Variants in ATP8A2 observed in about 807,000 individuals in gnomAD.
ATP8A2 encodes phospholipid-transporting ATPase IB.
Under a neutral mutation model 165.6 loss-of-function variants are expected in ATP8A2, and 100 were observed. That is an observed-to-expected ratio of 0.60 (90% CI 0.51 to 0.71). The LOEUF (loss-of-function observed/expected upper bound fraction) is 0.71. ATP8A2 is among the 30% of genes least tolerant of loss of function. The pLI, the probability that ATP8A2 is intolerant of heterozygous loss-of-function variation, is 0.00. For synonymous variants in ATP8A2, 543 were observed against 548.8 expected (o/e 0.99, Z 0.15); for missense variants, 1,227 against 1,479.5 (o/e 0.83, Z 2.80).
chr13:25,837,346 C>G lies in ATP8A2; in HGVS notation c.2877+61C>G, dbSNP rs75532127. On this transcript the variant is annotated intron_variant, in intron 29 of 36. Transcript: ENST00000381655. ...AAAGGCGTGGCTGTTTGATTCTAGT[C>G]ATCTGCCTAGGAGATAGTTGAAGCT... The G allele has an allele frequency of 9.5e-3, 15,069 of 1,585,214 alleles. 110 individuals are homozygous for G. The highest frequency in any genetic ancestry group is 0.014 in the South Asian group (1,219 of 89,468).
At chr13:25,558,718 C>G (rs1377558044) in intron 13 of ATP8A2, among the ~76,000 whole-genome samples, 1 of 152,164 alleles carries the variant, frequency 6.6e-6, no homozygotes, top group Non-Finnish European at 1.5e-5. Flanking sequence ...AGTAGCACAT[C>G]ATTCAGTCAG....
intron 10 of ATP8A2, among the ~76,000 whole-genome samples, chr13:25,546,791 G>A (rs182468173): frequency 2.1e-3 from 324 of 152,236 alleles, no homozygotes; most frequent in South Asian, 0.011. Context: ...TTGCAGCATA[G>A]AGTCTCCTAG....
At chr13:25,487,811 G>GA (rs1271532836) in intron 2 of ATP8A2, among the ~76,000 whole-genome samples, 1 of 151,938 alleles carries the variant, frequency 6.6e-6, no homozygotes, top group Non-Finnish European at 1.5e-5. Context: ...ACATGTAATG[G>GA]AAAAAACATG....
chr13:25,458,640 G>A (rs895916715), intron 1 of ATP8A2, among the ~76,000 whole-genome samples: 5 of 152,244 alleles, frequency 3.3e-5, no homozygotes, highest in African/African-American at 1.2e-4. Context: ...TTTCCAGAAG[G>A]TGGAGTGGAA....
At chr13:25,948,936 C>T (rs1372936758) in intron 33 of ATP8A2, among the ~76,000 whole-genome samples, 1 of 152,332 alleles carries the variant, frequency 6.6e-6, no homozygotes, top group Non-Finnish European at 1.5e-5. Context: ...TGTGCAGCCC[C>T]TCCTGGAAGC....
intron 25 of ATP8A2, among the ~76,000 whole-genome samples, chr13:25,734,829 G>A (rs986742779): frequency 2.6e-5 from 4 of 152,076 alleles, no homozygotes; most frequent in African/African-American, 9.7e-5. Context: ...AGTAGAGACG[G>A]GGTTTCACCA....
intron 35 of ATP8A2, among the ~76,000 whole-genome samples, chr13:26,001,504 A>G (rs1956630480): frequency 6.6e-6 from 1 of 152,136 alleles, no homozygotes; most frequent in African/African-American, 2.4e-5. Flanking sequence ...CAGTTTCTCC[A>G]TATCCTCTCC....
chr13:25,869,058 G>T (rs1280810362), intron 33 of ATP8A2, among the ~76,000 whole-genome samples: 2 of 112,546 alleles, frequency 1.8e-5, no homozygotes, highest in Non-Finnish European at 3.3e-5. Flanking sequence ...GACACAGCGA[G>T]ACTCCGTCTC....
intron 24 of ATP8A2, among the ~76,000 whole-genome samples, chr13:25,680,233 T>C (rs1400362505): frequency 6.6e-6 from 1 of 152,128 alleles, no homozygotes; most frequent in African/African-American, 2.4e-5. Context: ...GATGAGTTCA[T>C]AAGTTGAGGC....
intron 15 of ATP8A2, among the ~76,000 whole-genome samples, chr13:25,561,530 C>T (rs1185931411): frequency 6.6e-6 from 1 of 152,122 alleles, no homozygotes; most frequent in African/African-American, 2.4e-5. Flanking sequence ...TCCCTACTGC[C>T]CACCCCTGGT....
In ATP8A2 at chr13:25,766,241, T is replaced by G. The variant is rs552355627; in HGVS notation, c.2385-2805T>G. On this transcript the variant is annotated intron_variant, in intron 25 of 36. Transcript: ENST00000381655. ...CTGTAGATCCACTATGTCCTCAGTG[T>G]CTCAGCAATTCCTTTGCACAGCCCT... is the stretch of plus-strand genomic sequence containing the variant. Among the ~76,000 whole-genome samples, 14 of 152,330 alleles carry G rather than the reference T, an allele frequency of 9.2e-5. No homozygotes were observed. In the South Asian group the frequency reaches 2.1e-3, roughly 23 times the overall value.
chr13:25,497,459 C>CT lies in ATP8A2; in HGVS notation c.221+28343dup, dbSNP rs2036712484. 2.0e-5 allele frequency among the ~76,000 whole-genome samples: 3 copies of CT among 152,248 alleles called. No individual in the cohort carries two copies. In the South Asian group the frequency reaches 6.2e-4, roughly 32 times the overall value. ...ACTATCTAATTTGGTTTAGATAATA[C>CT]TTTTTCAGATTTCAGGGGAAAATAA... On this transcript the variant is annotated intron_variant, in intron 2 of 36. Transcript: ENST00000381655.
At chr13:25,831,013 CCAG>C (rs1951449831) in intron 28 of ATP8A2, among the ~76,000 whole-genome samples, 1 of 152,098 alleles carries the variant, frequency 6.6e-6, no homozygotes, top group South Asian at 2.1e-4. Flanking sequence ...CTTTTCCAGT[CCAG>C]GATCATTCTA....
At chr13:25,766,285 T>A (rs2044488980) in intron 25 of ATP8A2, among the ~76,000 whole-genome samples, 2 of 152,208 alleles carry the variant, frequency 1.3e-5, no homozygotes, top group Admixed American at 1.3e-4. Flanking sequence ...AAGGAAAACT[T>A]AAGTTTCTAA....
intron 24 of ATP8A2, among the ~76,000 whole-genome samples, chr13:25,690,968 C>A (rs984634718): frequency 1.3e-5 from 2 of 152,098 alleles, no homozygotes; most frequent in African/African-American, 4.8e-5. Flanking sequence ...TAGGTGAACA[C>A]CTAAACAAAT....
At chr13:25,553,647 T>C in intron 11 of ATP8A2, 146 bp from the exon 12 acceptor site, 1 of 743,436 alleles carries the variant, frequency 1.3e-6, no homozygotes, top group Non-Finnish European at 2.2e-6. Flanking sequence ...TTGTGGGGCC[T>C]GTGTGCCTCC....
intron 24 of ATP8A2, among the ~76,000 whole-genome samples, chr13:25,662,395 T>G (rs1171154311): frequency 6.6e-6 from 1 of 152,208 alleles, no homozygotes; most frequent in African/African-American, 2.4e-5. Flanking sequence ...ATGTGGTTGA[T>G]TTAAGCCTAA....
intron 22 of ATP8A2, among the ~76,000 whole-genome samples, chr13:25,581,343 C>A (rs1390145147): frequency 6.6e-6 from 1 of 152,196 alleles, no homozygotes; most frequent in Non-Finnish European, 1.5e-5. Flanking sequence ...TTATAGCTAC[C>A]CTCAATCTTA....
chr13:25,481,372 A>G (rs892898070), intron 2 of ATP8A2, among the ~76,000 whole-genome samples: 11 of 152,238 alleles, frequency 7.2e-5, no homozygotes, highest in African/African-American at 2.7e-4. Context: ...CAGAAGAGTC[A>G]CATGGCAGTT....
Sources: allele counts gnomAD v4.1 joint callset (sites outside exome capture counted in the v4.1 genomes callset), GRCh38; gene constraint gnomAD v4.1.1; transcripts MANE v1.5; gene names NCBI Gene and HGNC (gene_info 2026-07-23, HGNC 2026-07-21).